Variants in TRIP12 observed in about 807,000 individuals in gnomAD.
The protein encoded by TRIP12 is thyroid hormone receptor interactor 12.
Under a neutral mutation model 244.2 loss-of-function variants are expected in TRIP12, and 25 were observed. The observed-to-expected ratio is 0.10, with a 90% CI of 0.07 to 0.14. TRIP12 has a LOEUF of 0.14. Ranked by LOEUF, TRIP12 falls within the 10% of genes least tolerant of loss-of-function variation. The probability of loss-of-function intolerance (pLI) is 1.00; values close to 1 mark genes in which losing one functional copy is unlikely to be tolerated. For missense variants in TRIP12, 1,677 were observed against 2,486.4 expected, an observed-to-expected ratio of 0.67 and a Z score of 6.92; for synonymous variants, 905 against 873.1, an observed-to-expected ratio of 1.04 and a Z score of -0.64.
At chr2:229,791,647 T>C (rs1354066966) in intron 29 of TRIP12, 3 of 567,284 alleles carry the variant, frequency 5.3e-6, no homozygotes, top group Non-Finnish European at 9.2e-6. Context: ...TAAACCATGA[T>C]TACTGTCCAT....
intron 9 of TRIP12, 65 bp downstream of exon 9, chr2:229,818,299 A>T: frequency 6.7e-7 from 1 of 1,497,228 alleles, no homozygotes; most frequent in Non-Finnish European, 9.2e-7. Context: ...TCATACATTC[A>T]GTACAAAATC....
At chr2:229,811,526 C>T (rs1260841742) in intron 13 of TRIP12, among the ~76,000 whole-genome samples, 1 of 151,944 alleles carries the variant, frequency 6.6e-6, no homozygotes. Flanking sequence ...TATAAATATC[C>T]TACTTTCCTT....
At chr2:229,782,211 A>G (rs962734454) in intron 34 of TRIP12, among the ~76,000 whole-genome samples, 1 of 152,126 alleles carries the variant, frequency 6.6e-6, no homozygotes, top group African/African-American at 2.4e-5. Context: ...AGCAACAGCC[A>G]TGATCAAGCT....
At position 229,764,029 on chromosome 2, in the gene TRIP12, G is replaced by A. The variant is rs562512159; in HGVS notation, c.*3525C>T. On this transcript the variant is annotated 3_prime_UTR_variant, in exon 42 of 42. Coordinates refer to ENST00000675903, the MANE Select transcript of TRIP12 (RefSeq NM_001348323.3). ...GGTTATAGGTTTGGAAATATGAGTC[G>A]GCTTGTAGTAAAAATAAAACCACCT... The A allele has an allele frequency of 4.6e-5, 7 of 152,208 alleles. No homozygotes were observed. The South Asian group carries it at 1.2e-3, about 27-fold the overall frequency. 9.4% of individuals were successfully genotyped at this position (152,208 alleles called of 1,614,324 possible).
chr2:229,798,884 G>C lies in TRIP12; in HGVS notation c.3473C>G (p.Ser1158Cys). The C allele has an allele frequency of 6.2e-7, 1 of 1,612,614 alleles. No individual in the cohort carries two copies. Among genetic ancestry groups the C allele is most frequent in the Non-Finnish European group, 8.5e-7 (1 of 1,179,642 alleles). The change falls in exon 23 of 42, where the codon TCC (serine) becomes TGC (cysteine). Residue 1158 changes from serine (S) to cysteine (C), a missense_variant. Transcript: ENST00000675903. ...ACTCCCCCCACTTCACCTATTATTG[G>C]AGATGGTATCCTTTGAGGCAGCCCT... ...LARAASKDTI[S>C]NNREKIKGWI... is the part of the protein sequence containing the mutation.
chr2:229,817,471 T>C (rs549678288), intron 9 of TRIP12, among the ~76,000 whole-genome samples: 1 of 152,310 alleles, frequency 6.6e-6, no homozygotes, highest in Non-Finnish European at 1.5e-5. Flanking sequence ...TTTCTTCCTA[T>C]TGTTTTCATA....
intron 2 of TRIP12, among the ~76,000 whole-genome samples, chr2:229,862,453 T>C (rs2060629889): frequency 6.6e-6 from 1 of 152,182 alleles, no homozygotes; most frequent in African/African-American, 2.4e-5. Context: ...GTCATTCAGG[T>C]CCTCTACATT....
In TRIP12 at chr2:229,778,841, T is replaced by C. The variant is rs984479941; in HGVS notation, c.5209+35A>G. On this transcript the variant is annotated intron_variant, in intron 35 of 41. Coordinates refer to ENST00000675903, the MANE Select transcript of TRIP12 (RefSeq NM_001348323.3). This position sits in a 1 kb window ranked among gnomAD's most constrained non-coding sequence, Gnocchi z 4.1. ...GTCAGAGTCCATTACCTGATCTGAG[T>C]AACACAAACCAACTAACTTACAGAT... is the stretch of plus-strand genomic sequence containing the variant. 6.3e-7 allele frequency: 1 copy of C among 1,582,114 alleles called. No individual in the cohort carries two copies. The highest frequency in any genetic ancestry group is 1.3e-5 in the African/African-American group (1 of 74,206).
At chr2:229,826,121 GAGA>G (rs139288898) in intron 8 of TRIP12, among the ~76,000 whole-genome samples, 2,607 of 152,236 alleles carry the variant, frequency 0.017, 26 homozygotes, top group African/African-American at 0.022. Flanking sequence ...AATAGAAGGT[GAGA>G]AGAAGATATC....
At chr2:229,813,741 A>G in intron 13 of TRIP12, 129 bp downstream of exon 13, 1 of 595,620 alleles carries the variant, frequency 1.7e-6, no homozygotes, top group Non-Finnish European at 2.3e-6. Flanking sequence ...CTGAGATCAC[A>G]CCACTGCACT....
chr2:229,901,516 G>A (rs1389148610), intron 1 of TRIP12, among the ~76,000 whole-genome samples: 1 of 151,502 alleles, frequency 6.6e-6, no homozygotes, highest in African/African-American at 2.4e-5. Flanking sequence ...CCAGCAACTT[G>A]GGAGGCTGAG....
intron 8 of TRIP12, 118 bp from the exon 9 acceptor site, chr2:229,818,630 G>A: frequency 2.1e-6 from 2 of 931,922 alleles, no homozygotes; most frequent in South Asian, 3.6e-5. Context: ...TGAAAGACTA[G>A]GTCTATACCA....
intron 30 of TRIP12, among the ~76,000 whole-genome samples, chr2:229,790,516 C>CGGCAGGG (rs1243994974): frequency 1.2e-5 from 1 of 83,994 alleles, no homozygotes; most frequent in African/African-American, 4.7e-5. Context: ...ACTGTGGTGG[C>CGGCAGGG]GGCAGGGGGC....
intron 1 of TRIP12, chr2:229,894,273 CCCG>C (rs2068139236): frequency 6.6e-6 from 1 of 152,108 alleles, no homozygotes; most frequent in Non-Finnish European, 1.5e-5. Context: ...AACTGCACCC[CCCG>C]CCGACTTTCC....
At position 229,812,822 on chromosome 2, in the gene TRIP12, C is replaced by CA. The variant is rs147455503; in HGVS notation, c.1986+1047dup. On this transcript the variant is annotated intron_variant, in intron 13 of 41. Transcript: ENST00000675903. ...TCTCAAAAACAAAAACAAAACAGAA[C>CA]AAAAAAAAATTCCTAAATTGTTTAA... Among the ~76,000 whole-genome samples the CA allele has an allele frequency of 2.0e-4, 30 of 151,604 alleles. No individual in the cohort carries two copies. In the East Asian group the frequency reaches 3.1e-3, roughly 16 times the overall value.
chr2:229,809,989 T>C (rs1338483842), intron 15 of TRIP12, among the ~76,000 whole-genome samples: 4 of 152,208 alleles, frequency 2.6e-5, no homozygotes, highest in Admixed American at 2.6e-4. Flanking sequence ...GTAACATCCA[T>C]AGAGATTAGA....
chr2:229,850,164 A>G (rs2058384428), intron 4 of TRIP12, among the ~76,000 whole-genome samples: 1 of 152,242 alleles, frequency 6.6e-6, no homozygotes, highest in Non-Finnish European at 1.5e-5. Flanking sequence ...CTTGCATACA[A>G]AACAATATAT....
chr2:229,876,145 G>A (rs548516604), intron 2 of TRIP12, among the ~76,000 whole-genome samples: 233 of 152,064 alleles, frequency 1.5e-3, no homozygotes, highest in African/African-American at 5.0e-3. Context: ...GTGGTGGCCC[G>A]TGCCTGTAAT....
chr2:229,838,553 G>T (rs2055453717), intron 5 of TRIP12, among the ~76,000 whole-genome samples: 1 of 152,170 alleles, frequency 6.6e-6, no homozygotes, highest in Non-Finnish European at 1.5e-5. Context: ...TAGAAGGAGA[G>T]ACGGTTGCAG....
Sources: gnomAD v4.1 joint callset for allele counts (sites outside exome capture counted in the v4.1 genomes callset) on GRCh38, gnomAD v4.1.1 for gene constraint, Gnocchi (gnomAD v3.1) non-coding constraint, MANE v1.5 for transcripts, NCBI Gene and HGNC (gene_info 2026-07-23, HGNC 2026-07-21) for gene names.